Variants in GSG1L2 observed in about 807,000 individuals in gnomAD.
GSG1L2 encodes germ cell-specific gene 1-like protein 2.
A neutral mutation model predicts 9.0 loss-of-function variants in GSG1L2; 15 were observed. The ratio of observed to expected loss-of-function variants is 1.67; its 90% confidence interval spans 1.12 to 2.57. The LOEUF (loss-of-function observed/expected upper bound fraction) is 2.57. Ranked by LOEUF, GSG1L2 falls within the 30% of genes most tolerant of loss-of-function variation. The pLI is 0.00. For missense variants in GSG1L2, 286 were observed against 150.3 expected, an observed-to-expected ratio of 1.90 and a Z score of -4.72; for synonymous variants, 127 against 57.9, an observed-to-expected ratio of 2.19 and a Z score of -5.41.
chr17:9,812,446 C>T (rs954413802), intron 1 of GSG1L2, among the ~76,000 whole-genome samples: 5 of 152,066 alleles, frequency 3.3e-5, no homozygotes, highest in Non-Finnish European at 5.9e-5. Flanking sequence ...CAGCACCACC[C>T]AGCATTCACC....
At chr17:9,821,738 C>G in intron 1 of GSG1L2, 24 bp downstream of exon 1, 1 of 699,922 alleles carries the variant, frequency 1.4e-6, no homozygotes, top group Non-Finnish European at 2.6e-6. Context: ...CCTGTCTTCC[C>G]CAGAATCTAC....
At chr17:9,803,770 C>A (rs954512623) in intron 4 of GSG1L2, 3 of 152,228 alleles carry the variant, frequency 2.0e-5, no homozygotes, top group African/African-American at 7.2e-5. Flanking sequence ...CTATAATTAT[C>A]TCCATTTTAC....
intron 4 of GSG1L2, among the ~76,000 whole-genome samples, chr17:9,803,511 G>A (rs370187153): frequency 6.6e-6 from 1 of 152,188 alleles, no homozygotes; most frequent in African/African-American, 2.4e-5. Context: ...TGGGAACATG[G>A]TAATTAGCAT....
intron 3 of GSG1L2, 101 bp downstream of exon 3, chr17:9,808,729 A>C: frequency 1.6e-6 from 1 of 624,232 alleles, no homozygotes; most frequent in South Asian, 1.8e-5. Flanking sequence ...ATGGCCATTG[A>C]TGGGAAAGAG....
intron 1 of GSG1L2, among the ~76,000 whole-genome samples, chr17:9,819,227 A>G (rs762783692): frequency 5.3e-5 from 8 of 152,274 alleles, no homozygotes; most frequent in Non-Finnish European, 8.8e-5. Context: ...GAACACAGCA[A>G]TAAACATCAC....
intron 1 of GSG1L2, among the ~76,000 whole-genome samples, chr17:9,814,213 C>T (rs1365079449): frequency 3.3e-5 from 5 of 152,194 alleles, no homozygotes; most frequent in African/African-American, 9.6e-5. Context: ...GGATTACAAG[C>T]GTGAGACACC....
chr17:9,814,952 T>G (rs2066553865), intron 1 of GSG1L2, among the ~76,000 whole-genome samples: 1 of 152,204 alleles, frequency 6.6e-6, no homozygotes, highest in Admixed American at 6.5e-5. Flanking sequence ...AAAAGAACAT[T>G]TCGCGTAAGT....
chr17:9,808,846 G>C lies in GSG1L2; in HGVS notation c.495C>G (p.Ile165Met), dbSNP rs558701746. ...GGAAAGTACCTGCCAGCACCATGAA[G>C]ATGGCTACCAAGGCATCCACCCTGA... ...HWLRVDALVA[I>M]FMVLAGLLGM... is the part of the protein sequence containing the mutation. The change falls in exon 3 of 5, where the codon ATC becomes ATG. Residue 165 changes from isoleucine (I) to methionine (M), a missense_variant. Physicochemically the swap from Ile to Met is conservative, Grantham distance 10. Transcript: ENST00000399363. 2.1e-4 allele frequency: 150 copies of C among 702,906 alleles called. 2 individuals carry two copies. The South Asian group carries it at 2.2e-3, about 10-fold the overall frequency. 43.5% of individuals were successfully genotyped at this position (702,906 alleles called of 1,614,324 possible).
At chr17:9,819,318 A>T (rs1388025914) in intron 1 of GSG1L2, among the ~76,000 whole-genome samples, 1 of 152,258 alleles carries the variant, frequency 6.6e-6, no homozygotes, top group East Asian at 1.9e-4. Context: ...TCAACAAAGC[A>T]GCGATATAAC....
At chr17:9,811,885 C>G (rs537722137) in intron 1 of GSG1L2, among the ~76,000 whole-genome samples, 25 of 152,274 alleles carry the variant, frequency 1.6e-4, no homozygotes, top group Admixed American at 5.2e-4. Flanking sequence ...GACAAGGGAG[C>G]CGCCCCCAGT....
intron 1 of GSG1L2, among the ~76,000 whole-genome samples, chr17:9,816,786 TGTGC>T (rs760880454): frequency 3.5e-5 from 5 of 143,182 alleles, no homozygotes; most frequent in Non-Finnish European, 7.6e-5. Flanking sequence ...TGTGTCTGTG[TGTGC>T]GTATCTGTGT....
chr17:9,816,603 T>TGCAC (rs2066563930), intron 1 of GSG1L2, among the ~76,000 whole-genome samples: 2 of 103,468 alleles, frequency 1.9e-5, no homozygotes, highest in Non-Finnish European at 3.8e-5. Context: ...TCTGTGTGTC[T>TGCAC]GTGTGTGTCT....
At chr17:9,809,418 C>G (rs763800605) in intron 2 of GSG1L2, 11 of 191,102 alleles carry the variant, frequency 5.8e-5, no homozygotes, top group Non-Finnish European at 1.1e-4. Context: ...TGAGCGGTAG[C>G]AAGGTTTATT....
intron 1 of GSG1L2, among the ~76,000 whole-genome samples, chr17:9,817,352 C>T (rs76729690): frequency 1.3e-5 from 2 of 151,870 alleles, no homozygotes; most frequent in African/African-American, 4.8e-5. Context: ...ACTCTGTCTT[C>T]AAGTTCAGGT....
At chr17:9,817,402 A>C (rs950573326) in intron 1 of GSG1L2, among the ~76,000 whole-genome samples, 2 of 149,406 alleles carry the variant, frequency 1.3e-5, no homozygotes, top group Non-Finnish European at 3.0e-5. Flanking sequence ...CATGACTAGC[A>C]AGCTTCCAGT....
intron 3 of GSG1L2, among the ~76,000 whole-genome samples, chr17:9,808,183 C>T (rs570515234): frequency 1.3e-5 from 2 of 152,156 alleles, no homozygotes; most frequent in East Asian, 1.9e-4. Flanking sequence ...CTTTTCATAT[C>T]CAGTTTGAGG....
At chr17:9,806,833 T>C (rs965073550) in intron 4 of GSG1L2, among the ~76,000 whole-genome samples, 3 of 152,094 alleles carry the variant, frequency 2.0e-5, no homozygotes, top group Admixed American at 2.0e-4. Context: ...CTAAGAAAAG[T>C]TCAGACTCTA....
At chr17:9,821,021 A>G (rs1010974516) in intron 1 of GSG1L2, among the ~76,000 whole-genome samples, 3 of 152,186 alleles carry the variant, frequency 2.0e-5, no homozygotes, top group Non-Finnish European at 4.4e-5. Context: ...ATCAAATGCT[A>G]TGAGAATGGA....
intron 1 of GSG1L2, among the ~76,000 whole-genome samples, chr17:9,812,554 G>T (rs541797385): frequency 2.0e-4 from 30 of 152,216 alleles, no homozygotes; most frequent in African/African-American, 6.0e-4. Context: ...CAGATCTGGA[G>T]ACTGGAAGTC....
Sources: gnomAD v4.1 joint callset for allele counts (sites outside exome capture counted in the v4.1 genomes callset) on GRCh38, gnomAD v4.1.1 for gene constraint, MANE v1.5 for transcripts, NCBI Gene and HGNC (gene_info 2026-07-23, HGNC 2026-07-21) for gene names.